Variants in ARMH3 observed in about 807,000 individuals in gnomAD.
ARMH3 encodes armadillo like helical domain containing 3.
A neutral mutation model predicts 99.1 loss-of-function variants in ARMH3; 60 were observed. The observed-to-expected ratio is 0.61, with a 90% CI of 0.49 to 0.75. The LOEUF is 0.75. ARMH3 is among the 30% of genes least tolerant of loss of function. The pLI, the probability that ARMH3 is intolerant of heterozygous loss-of-function variation, is 0.00. For missense variants in ARMH3, 679 were observed against 843.1 expected, an observed-to-expected ratio of 0.81 and a Z score of 2.41; for synonymous variants, 285 against 292.8, an observed-to-expected ratio of 0.97 and a Z score of 0.27.
At chr10:101,996,764 T>A (rs1847079759) in intron 15 of ARMH3, among the ~76,000 whole-genome samples, 1 of 152,142 alleles carries the variant, frequency 6.6e-6, no homozygotes. Context: ...CACAAAACAA[T>A]GAAAATCAAA....
At chr10:101,939,779 T>G in intron 23 of ARMH3, 84 bp downstream of exon 23, 13 of 1,155,782 alleles carry the variant, frequency 1.1e-5, no homozygotes, top group Non-Finnish European at 1.6e-5. Context: ...ATAGTAGTAG[T>G]GTTCAACACA....
chr10:101,892,116 CA>C, intron 23 of ARMH3, among the ~76,000 whole-genome samples: 1 of 150,976 alleles, frequency 6.6e-6, no homozygotes, highest in East Asian at 2.0e-4. Flanking sequence ...TGTCTCCCCG[CA>C]AAAAACCCCA....
At chr10:101,949,813 C>T (rs998561573) in intron 22 of ARMH3, among the ~76,000 whole-genome samples, 2 of 151,954 alleles carry the variant, frequency 1.3e-5, no homozygotes, top group African/African-American at 2.4e-5. Flanking sequence ...ACTAGCAAAT[C>T]GAATACAACA....
intron 24 of ARMH3, among the ~76,000 whole-genome samples, chr10:101,872,250 C>CGTGT (rs35739666): frequency 0.043 from 6,332 of 146,432 alleles, 211 homozygotes; most frequent in African/African-American, 0.092. Context: ...TGTGTAACAA[C>CGTGT]GTGTGTGTGT....
chr10:101,904,405 G>A (rs1048525424), intron 23 of ARMH3, among the ~76,000 whole-genome samples: 1 of 152,072 alleles, frequency 6.6e-6, no homozygotes, highest in Non-Finnish European at 1.5e-5. Flanking sequence ...AGCCAGTGAG[G>A]AGTTTTTTTT....
At chr10:101,883,550 T>A (rs546509261) in intron 24 of ARMH3, among the ~76,000 whole-genome samples, 1 of 152,268 alleles carries the variant, frequency 6.6e-6, no homozygotes, top group South Asian at 2.1e-4. Context: ...TAGCATTGCC[T>A]CATCAAGACA....
chr10:102,029,019 C>A (rs761719316), intron 5 of ARMH3, among the ~76,000 whole-genome samples: 2 of 152,134 alleles, frequency 1.3e-5, no homozygotes, highest in African/African-American at 4.8e-5. Context: ...GACTTACAGG[C>A]ACGTGCCACC....
intron 23 of ARMH3, among the ~76,000 whole-genome samples, chr10:101,900,231 G>A (rs950891173): frequency 3.9e-5 from 6 of 152,168 alleles, no homozygotes; most frequent in Non-Finnish European, 8.8e-5. Flanking sequence ...TGGGGCTACA[G>A]AATGAAAACC....
intron 1 of ARMH3, among the ~76,000 whole-genome samples, chr10:102,047,158 C>T (rs761746547): frequency 7.9e-5 from 12 of 152,148 alleles, no homozygotes; most frequent in Non-Finnish European, 1.2e-4. Context: ...GATAAAACAC[C>T]CTAATGTCCA....
intron 23 of ARMH3, among the ~76,000 whole-genome samples, chr10:101,937,519 C>CAAA (rs1231569417): frequency 3.2e-5 from 3 of 92,652 alleles, no homozygotes; most frequent in Admixed American, 1.2e-4. Flanking sequence ...ACCCTGTCTC[C>CAAA]AAAAAAAAAA....
chr10:102,005,978 A>G (rs1265507930), intron 14 of ARMH3, among the ~76,000 whole-genome samples: 1 of 152,164 alleles, frequency 6.6e-6, no homozygotes, highest in Admixed American at 6.5e-5. Flanking sequence ...TATTCAACAA[A>G]TATTTATTAA....
chr10:101,953,542 CT>C (rs35546669), intron 22 of ARMH3, among the ~76,000 whole-genome samples: 26,906 of 117,818 alleles, frequency 0.23, 2,849 homozygotes, highest in East Asian at 0.52. Context: ...CGTGCCCAGC[CT>C]TTTTTTTTTT....
At chr10:102,050,895 C>T (rs542564191) in intron 1 of ARMH3, among the ~76,000 whole-genome samples, 2 of 147,750 alleles carry the variant, frequency 1.4e-5, no homozygotes, top group East Asian at 4.0e-4. Flanking sequence ...TGGTGGCTCA[C>T]GCCTGTAATC....
At chr10:101,932,299 G>A (rs1235952563) in intron 23 of ARMH3, among the ~76,000 whole-genome samples, 2 of 152,228 alleles carry the variant, frequency 1.3e-5, no homozygotes, top group Non-Finnish European at 2.9e-5. Context: ...GAAAACAAGT[G>A]TTGGGAAGAA....
At chr10:102,035,450 C>T (rs2067232205) in intron 2 of ARMH3, among the ~76,000 whole-genome samples, 1 of 152,244 alleles carries the variant, frequency 6.6e-6, no homozygotes, top group South Asian at 2.1e-4. Flanking sequence ...CCCTCTGATG[C>T]CGAGCCGAAG....
At chr10:102,033,854 A>T (rs2067191213) in intron 2 of ARMH3, among the ~76,000 whole-genome samples, 1 of 152,232 alleles carries the variant, frequency 6.6e-6, no homozygotes, top group Non-Finnish European at 1.5e-5. Context: ...CTGCACCAAA[A>T]GTTAAATAAT....
At chr10:102,027,065 G>A (rs1036398633) in intron 5 of ARMH3, among the ~76,000 whole-genome samples, 8 of 152,160 alleles carry the variant, frequency 5.3e-5, no homozygotes, top group Admixed American at 1.3e-4. Context: ...GATCACCTGA[G>A]GTTAGGAGTT....
intron 13 of ARMH3, among the ~76,000 whole-genome samples, chr10:102,006,952 G>A (rs2066505822): frequency 6.6e-6 from 1 of 151,738 alleles, no homozygotes; most frequent in Admixed American, 6.6e-5. Flanking sequence ...CACAAGGTCA[G>A]GAGATCGAGA....
At chr10:101,852,472 G>A (rs1016400679) in intron 24 of ARMH3, among the ~76,000 whole-genome samples, 20 of 152,230 alleles carry the variant, frequency 1.3e-4, no homozygotes, top group African/African-American at 4.8e-4. Flanking sequence ...AAAACCAGAA[G>A]CAGCCGGACA....
Sources: allele counts gnomAD v4.1 joint callset (sites outside exome capture counted in the v4.1 genomes callset), GRCh38; gene constraint gnomAD v4.1.1; transcripts MANE v1.5; gene names NCBI Gene and HGNC (gene_info 2026-07-23, HGNC 2026-07-21).